The following LPCAT2 variants were observed in gnomAD, a reference collection of about 807,000 sequenced individuals.
LPCAT2 encodes the protein lysophosphatidylcholine acyltransferase 2.
In LPCAT2, 58 loss-of-function variants were observed where a neutral mutation model predicts 64.7. The observed-to-expected ratio is 0.90, with a 90% CI of 0.73 to 1.12. The LOEUF (loss-of-function observed/expected upper bound fraction) is 1.12. Ranked by LOEUF, LPCAT2 falls within the 50% of genes most tolerant of loss-of-function variation. The pLI, the probability that LPCAT2 is intolerant of heterozygous loss-of-function variation, is 0.00. For synonymous variants in LPCAT2, 252 were observed against 245.3 expected (o/e 1.03, Z -0.26); for missense variants, 579 against 669.8 (o/e 0.86, Z 1.50).
chr16:55,521,123 G>A (rs1120208), intron 1 of LPCAT2, among the ~76,000 whole-genome samples: 189 of 151,408 alleles, frequency 1.2e-3, no homozygotes, highest in Middle Eastern at 3.4e-3. Context: ...AAGAAAACAA[G>A]AAAGAAAATG....
intron 8 of LPCAT2, among the ~76,000 whole-genome samples, chr16:55,545,254 A>G (rs896362490): frequency 3.4e-4 from 51 of 151,988 alleles, no homozygotes; most frequent in African/African-American, 1.2e-3. Flanking sequence ...ATGACAAAAC[A>G]TAAAGTTCAA....
At chr16:55,519,413 G>T (rs1379555740) in intron 1 of LPCAT2, among the ~76,000 whole-genome samples, 1 of 151,680 alleles carries the variant, frequency 6.6e-6, no homozygotes, top group African/African-American at 2.4e-5. Context: ...GGAGGCTGGG[G>T]CAGGAGAATG....
chr16:55,583,003 T>A lies in LPCAT2; in HGVS notation c.1540T>A (p.Leu514Ile). The A allele has an allele frequency of 6.2e-7, 1 of 1,613,810 alleles. No individual in the cohort carries two copies. ...CCTCCAGACGTGCCATGTGTTTTCA[T>A]TACCAAAAGAAGTCCAGACAACCCC... The part of the protein sequence containing the change: ...LDLQTCHVFS[L>I]PKEVQTTPST... The change falls in exon 14 of 14, where the codon TTA becomes ATA. Residue 514 changes from leucine to isoleucine, a missense_variant. Leu to Ile is a conservative substitution (Grantham distance 5, BLOSUM62 2). Coordinates refer to ENST00000262134, the MANE Select transcript of LPCAT2 (RefSeq NM_017839.5).
At chr16:55,558,711 A>C (rs553532983) in intron 11 of LPCAT2, among the ~76,000 whole-genome samples, 1 of 152,212 alleles carries the variant, frequency 6.6e-6, no homozygotes, top group Non-Finnish European at 1.5e-5. Flanking sequence ...CCACTATTAT[A>C]GAGCAGAAAT....
intron 4 of LPCAT2, among the ~76,000 whole-genome samples, chr16:55,531,510 G>A (rs1963252698): frequency 6.6e-6 from 1 of 152,076 alleles, no homozygotes; most frequent in Non-Finnish European, 1.5e-5. Context: ...TATATGTTGT[G>A]GGAGTAAATA....
chr16:55,549,283 G>A lies in LPCAT2; in HGVS notation c.942G>A (p.Leu314=). The change falls in exon 10 of 14, where the codon CTG becomes CTA. Residue 314 remains leucine, a synonymous_variant. Coordinates refer to ENST00000262134, the MANE Select transcript of LPCAT2 (RefSeq NM_017839.5). ...TGCTTCTTAATACTTTTAGAGCTCT[G>A]GGAATACCAGTAACAGATCATACCT... ...NKVRNLMAEA[L]GIPVTDHTYE... 6.4e-7 allele frequency: 1 copy of A among 1,563,420 alleles called. No homozygotes were observed. Among genetic ancestry groups the A allele is most frequent in the South Asian group, 1.2e-5 (1 of 81,530 alleles).
At chr16:55,539,291 A>T (rs921158140) in intron 8 of LPCAT2, 1 of 127,864 alleles carries the variant, frequency 7.8e-6, no homozygotes, top group African/African-American at 3.1e-5. Context: ...CGATATTTGC[A>T]TTCTCCAGCC....
At chr16:55,552,817 C>T (rs1295892148) in intron 11 of LPCAT2, among the ~76,000 whole-genome samples, 2 of 152,140 alleles carry the variant, frequency 1.3e-5, no homozygotes, top group African/African-American at 2.4e-5. Context: ...ATTGTCTTGC[C>T]TCAGTGTTGA....
rs1447667351 is a variant in LPCAT2, at chr16:55,584,739, T to A, written c.*1641T>A. On this transcript the variant is annotated 3_prime_UTR_variant, in exon 14 of 14. Coordinates refer to ENST00000262134, the MANE Select transcript of LPCAT2 (RefSeq NM_017839.5). Reference sequence around the variant, plus strand: ...AAGAGTCATGATTTCAAACTAGTTTTACATATTAAGCAGTTAGTGTTCTAA... The same window carrying A: ...AAGAGTCATGATTTCAAACTAGTTTAACATATTAAGCAGTTAGTGTTCTAA... The A allele has an allele frequency of 6.6e-6, 1 of 152,204 alleles. No individual in the cohort carries two copies. Among genetic ancestry groups the A allele is most frequent in the Non-Finnish European group, 1.5e-5 (1 of 68,018 alleles). The allele number at this position is 152,204 out of a possible 1,614,324, so 9.4% of individuals were successfully genotyped here. A position where few individuals can be genotyped will look rare whatever the true frequency, so the allele number is the denominator to read the frequency against.
rs764387914 is a variant in LPCAT2, at chr16:55,528,386, T to C, written c.321T>C (p.Thr107=). 6.2e-7 allele frequency: 1 copy of C among 1,613,034 alleles called. No homozygotes were observed. Among genetic ancestry groups the C allele is most frequent in the Non-Finnish European group, 8.5e-7 (1 of 1,179,386 alleles). ...HPITGWRRKI[T]QTALKFLGRA... is the part of the protein sequence containing the mutation. ...TTCTATATTTTCAAAGGAAAATTAC[T>C]CAAACAGCTTTGAAATTTCTGGGTC... Residue 107 remains threonine, a synonymous_variant, in exon 3 of 14, where the codon ACT becomes ACC. Coordinates refer to ENST00000262134, the MANE Select transcript of LPCAT2 (RefSeq NM_017839.5).
At chr16:55,577,538 A>G (rs1285469631) in intron 12 of LPCAT2, among the ~76,000 whole-genome samples, 3 of 152,104 alleles carry the variant, frequency 2.0e-5, no homozygotes, top group Non-Finnish European at 4.4e-5. Context: ...CCATAAGACT[A>G]TTGTGAGGGT....
At position 55,525,590 on chromosome 16, in the gene LPCAT2, C is replaced by T. The variant is rs1963159054; in HGVS notation, c.254C>T (p.Ala85Val). ...TTATTACTTGCATGGCCATTTGCTG[C>T]AATTTCAACAGTATGCTGTCCTGAA... ...LILLLAWPFA[A>V]ISTVCCPEKL... The change falls in exon 2 of 14, where the codon GCA (alanine) becomes GTA (valine). Residue 85 changes from alanine to valine, a missense_variant. Coordinates refer to ENST00000262134, the MANE Select transcript of LPCAT2 (RefSeq NM_017839.5). 3.1e-6 allele frequency: 5 copies of T among 1,612,354 alleles called. No individual in the cohort carries two copies. The South Asian group carries it at 5.5e-5, about 18-fold the overall frequency.
intron 11 of LPCAT2, among the ~76,000 whole-genome samples, chr16:55,564,020 A>G (rs1963665030): frequency 6.6e-6 from 1 of 151,964 alleles, no homozygotes; most frequent in Non-Finnish European, 1.5e-5. Context: ...CAGGATATGA[A>G]TCAACACACA....
chr16:55,555,184 C>T (rs1963560288), intron 11 of LPCAT2, among the ~76,000 whole-genome samples: 1 of 152,106 alleles, frequency 6.6e-6, no homozygotes, highest in African/African-American at 2.4e-5. Context: ...CAAATTGTTA[C>T]AAAAAATACA....
Position 55,519,508 on chromosome 16 carries a change from C to CAA in LPCAT2, c.172-5990_172-5989dup, listed in dbSNP as rs34058877. ...TGGGAGACAGAGCGAGACTCCATCA[C>CAA]AAAAAAAAAAAGAAAGAAAGAAGAG... On this transcript the variant is annotated intron_variant, in intron 1 of 13. Transcript: ENST00000262134. 2.0e-3 allele frequency among the ~76,000 whole-genome samples: 253 copies of CAA among 123,678 alleles called. 2 individuals are homozygous for CAA. Among genetic ancestry groups the CAA allele is most frequent in the Middle Eastern group, 0.014 (3 of 216 alleles). 81.1% of individuals were successfully genotyped at this position (123,678 alleles called of 152,430 possible). A position where few individuals can be genotyped will look rare whatever the true frequency, so the allele number is the denominator to read the frequency against.
chr16:55,581,301 A>C (rs1212897016), intron 13 of LPCAT2, among the ~76,000 whole-genome samples: 2 of 152,102 alleles, frequency 1.3e-5, no homozygotes, highest in Non-Finnish European at 2.9e-5. Context: ...ATCTATTTTT[A>C]TTTTTTTCTA....
intron 11 of LPCAT2, among the ~76,000 whole-genome samples, chr16:55,557,893 C>T (rs1347256383): frequency 6.6e-6 from 1 of 152,150 alleles, no homozygotes; most frequent in Non-Finnish European, 1.5e-5. Context: ...TTTACATTCT[C>T]AGATATTTGA....
chr16:55,536,829 A>G (rs891341615), intron 7 of LPCAT2, among the ~76,000 whole-genome samples: 6 of 152,196 alleles, frequency 3.9e-5, no homozygotes, highest in Admixed American at 6.5e-5. Flanking sequence ...AGGAACAACT[A>G]TTTCAAACAT....
At position 55,528,374 on chromosome 16, in the gene LPCAT2, A is replaced by C; in HGVS notation, c.312-3A>C. The C allele has an allele frequency of 6.2e-7, 1 of 1,609,724 alleles. No homozygotes were observed. Among genetic ancestry groups the C allele is most frequent in the Non-Finnish European group, 8.5e-7 (1 of 1,176,620 alleles). On this transcript the variant is annotated splice_region_variant and splice_polypyrimidine_tract_variant and intron_variant, in intron 2 of 13. Coordinates refer to ENST00000262134, the MANE Select transcript of LPCAT2 (RefSeq NM_017839.5). ...TAATTACATCTTTTCTATATTTTCA[A>C]AGGAAAATTACTCAAACAGCTTTGA...
Sources: gnomAD v4.1 joint callset for allele counts (sites outside exome capture counted in the v4.1 genomes callset) on GRCh38, gnomAD v4.1.1 for gene constraint, MANE v1.5 for transcripts, NCBI Gene and HGNC (gene_info 2026-07-23, HGNC 2026-07-21) for gene names.